Variants in PTPRE observed in about 807,000 individuals in gnomAD.
PTPRE encodes the protein protein tyrosine phosphatase receptor type E, also known as receptor-type tyrosine-protein phosphatase epsilon.
A neutral mutation model predicts 102.0 loss-of-function variants in PTPRE; 51 were observed. That is an observed-to-expected ratio of 0.50 (90% CI 0.40 to 0.63). The LOEUF (loss-of-function observed/expected upper bound fraction) is 0.63, where lower values mean the gene tolerates loss of function less well. Ranked by LOEUF, PTPRE falls within the 30% of genes least tolerant of loss-of-function variation. The probability of loss-of-function intolerance (pLI) is 0.00; values close to 1 mark genes in which losing one functional copy is unlikely to be tolerated. For missense variants in PTPRE, 752 were observed against 915.1 expected, an observed-to-expected ratio of 0.82 and a Z score of 2.30; for synonymous variants, 345 against 348.2, an observed-to-expected ratio of 0.99 and a Z score of 0.10.
At chr10:127,955,075 A>C (rs1313439570) in intron 1 of PTPRE, among the ~76,000 whole-genome samples, 3 of 151,938 alleles carry the variant, frequency 2.0e-5, no homozygotes, top group Admixed American at 2.0e-4. Flanking sequence ...CTACTACTCC[A>C]TAGTGGAGGC....
chr10:128,042,608 T>C (rs761129876), intron 3 of PTPRE, among the ~76,000 whole-genome samples: 1 of 152,180 alleles, frequency 6.6e-6, no homozygotes, highest in Non-Finnish European at 1.5e-5. Context: ...CCTAGAATTG[T>C]GGAGGGGAAC....
At chr10:128,015,558 G>A (rs545535475) in intron 2 of PTPRE, among the ~76,000 whole-genome samples, 9 of 152,204 alleles carry the variant, frequency 5.9e-5, no homozygotes, top group African/African-American at 2.2e-4. Context: ...AGTAGAGATG[G>A]GGTTTCACCG....
chr10:128,038,698 C>A (rs959987755), intron 2 of PTPRE, among the ~76,000 whole-genome samples: 7 of 151,956 alleles, frequency 4.6e-5, no homozygotes, highest in Non-Finnish European at 1.0e-4. Flanking sequence ...AGGAGATATA[C>A]CTAGTGTAAA....
rs1454131474 is a variant in PTPRE, at chr10:127,928,742, G to A, written c.-31+21433G>A. ...ATATCTACCTTCCAAATAACATCTT[G>A]GAAAGCACACTGGTAGATGAGGCCT... On this transcript the variant is annotated intron_variant, in intron 1 of 20. Transcript: ENST00000254667. 4.6e-5 allele frequency among the ~76,000 whole-genome samples: 7 copies of A among 152,266 alleles called. No individual in the cohort carries two copies. The East Asian group carries it at 1.2e-3, about 25-fold the overall frequency.
Position 128,081,309 on chromosome 10 carries a change from G to A in PTPRE, c.2029-1523G>A, listed in dbSNP as rs180784120. On this transcript the variant is annotated intron_variant, in intron 20 of 20. Coordinates refer to ENST00000254667, the MANE Select transcript of PTPRE (RefSeq NM_006504.6). ...CTTCCAGCATCCTAGGTAGGCTTTG[G>A]TTGGAACTGACATTTCAAAGGCCAC... Among the ~76,000 whole-genome samples, 364 of 152,312 alleles carry A rather than the reference G, an allele frequency of 2.4e-3. 4 individuals are homozygous for A. The highest frequency in any genetic ancestry group is 0.023 in the Admixed American group (345 of 15,302).
intron 1 of PTPRE, among the ~76,000 whole-genome samples, chr10:127,923,741 G>A (rs1846794775): frequency 6.6e-6 from 1 of 152,194 alleles, no homozygotes; most frequent in South Asian, 2.1e-4. Context: ...ATCCAGCCCA[G>A]TGTGGAGACA....
rs1390263914 is a variant in PTPRE at position 128,028,061 on chromosome 10, G to A, written c.-7-12814G>A. Among the ~76,000 whole-genome samples the A allele has an allele frequency of 3.3e-5, 5 of 152,348 alleles. No individual in the cohort carries two copies. The highest frequency in any genetic ancestry group is 2.1e-4 in the South Asian group (1 of 4,826). ...GAGGGTTCCGGCTTTGGCTGGGGGC[G>A]TGGGAGTCTCCAGAGGCAGCGAGCC... On this transcript the variant is annotated intron_variant, in intron 2 of 20. Coordinates refer to ENST00000254667, the MANE Select transcript of PTPRE (RefSeq NM_006504.6). This position sits in a 1 kb window ranked among gnomAD's most constrained non-coding sequence, Gnocchi z 4.5.
At chr10:128,072,683 A>C (rs926268181) in intron 16 of PTPRE, 1 of 126,540 alleles carries the variant, frequency 7.9e-6, no homozygotes, top group Admixed American at 8.5e-5. Context: ...AAAAAAAAAA[A>C]GTGGACTTTG....
intron 1 of PTPRE, among the ~76,000 whole-genome samples, chr10:127,923,321 C>T (rs543057358): frequency 6.6e-6 from 1 of 151,676 alleles, no homozygotes; most frequent in Non-Finnish European, 1.5e-5. Context: ...CTATCCAGAG[C>T]GAGTGCTACA....
Position 128,039,710 on chromosome 10 carries a change from G to T in PTPRE, c.-7-1165G>T, listed in dbSNP as rs114309606. Among the ~76,000 whole-genome samples the T allele has an allele frequency of 4.9e-3, 740 of 151,280 alleles. 4 individuals carry two copies. The highest frequency in any genetic ancestry group is 0.016 in the African/African-American group (652 of 41,348). ...CCTCAGTTCTGAAATGGGTCCATTT[G>T]CATCCCTGAGGGAGGCCTCAGGCAG... On this transcript the variant is annotated intron_variant, in intron 2 of 20. Transcript: ENST00000254667.
At chr10:127,950,908 A>G (rs1203126656) in intron 1 of PTPRE, among the ~76,000 whole-genome samples, 1 of 151,986 alleles carries the variant, frequency 6.6e-6, no homozygotes, top group Non-Finnish European at 1.5e-5. Context: ...CATCCTGGCT[A>G]ACACAGTGAA....
intron 6 of PTPRE, among the ~76,000 whole-genome samples, chr10:128,054,296 C>T (rs1848778718): frequency 1.3e-5 from 2 of 152,070 alleles, no homozygotes; most frequent in Admixed American, 6.6e-5. Flanking sequence ...TGGGTTTTGA[C>T]GAATGCACAG....
chr10:128,034,738 C>A (rs183275761), intron 2 of PTPRE, among the ~76,000 whole-genome samples: 1 of 151,852 alleles, frequency 6.6e-6, no homozygotes, highest in Admixed American at 6.6e-5. Flanking sequence ...AACAAGGAAG[C>A]AATAAAGTGA....
intron 1 of PTPRE, among the ~76,000 whole-genome samples, chr10:127,947,642 T>C (rs770988345): frequency 6.6e-6 from 1 of 152,228 alleles, no homozygotes; most frequent in Non-Finnish European, 1.5e-5. Context: ...CTCCCATATG[T>C]TAAAGGAGGC....
At chr10:127,908,788 G>A (rs75918299) in intron 1 of PTPRE, among the ~76,000 whole-genome samples, 5,494 of 152,242 alleles carry the variant, frequency 0.036, 138 homozygotes, top group Middle Eastern at 0.085. Flanking sequence ...ATTGATGTTG[G>A]TGATGCCTGT....
rs1280580444 is a variant in PTPRE, at chr10:128,084,423, AC to A, written c.*1521del. On this transcript the variant is annotated 3_prime_UTR_variant, in exon 21 of 21. Coordinates refer to ENST00000254667, the MANE Select transcript of PTPRE (RefSeq NM_006504.6). ...TTCATTAACAGTGTGTGCAAATGCA[AC>A]CCCAGGACACATTATTGTTCTGATA... 6.6e-6 allele frequency: 1 copy of A among 152,164 alleles called. No homozygotes were observed. The highest frequency in any genetic ancestry group is 1.5e-5 in the Non-Finnish European group (1 of 68,036). The allele number at this position is 152,164 out of a possible 1,614,324, so 9.4% of individuals were successfully genotyped here. A position where few individuals can be genotyped will look rare whatever the true frequency, so the allele number is the denominator to read the frequency against.
rs115726480 is a variant in PTPRE, at chr10:128,019,206, T to C, written c.-7-21669T>C. Among the ~76,000 whole-genome samples the C allele has an allele frequency of 2.5e-3, 385 of 152,342 alleles. 1 individual carries two copies. Among genetic ancestry groups the C allele is most frequent in the African/African-American group, 8.9e-3 (371 of 41,594 alleles). Reference sequence around the variant, plus strand: ...GAGGCCCGACTTCCAATCCCAGCCCTGCCCCTTGCTCACTGCATGACTTGG... The same window carrying C: ...GAGGCCCGACTTCCAATCCCAGCCCCGCCCCTTGCTCACTGCATGACTTGG... On this transcript the variant is annotated intron_variant, in intron 2 of 20. Transcript: ENST00000254667.
intron 6 of PTPRE, among the ~76,000 whole-genome samples, chr10:128,054,253 C>G (rs1372958775): frequency 1.3e-5 from 2 of 152,140 alleles, no homozygotes; most frequent in Non-Finnish European, 2.9e-5. Flanking sequence ...TAGCAGAAGT[C>G]CACACGTCAG....
intron 1 of PTPRE, among the ~76,000 whole-genome samples, chr10:127,939,560 A>G (rs11018410): frequency 0.14 from 21,391 of 151,404 alleles, 1,644 homozygotes; most frequent in East Asian, 0.25. Context: ...ATACATGGAG[A>G]AAAAAAAACA....
Sources: allele counts gnomAD v4.1 joint callset (sites outside exome capture counted in the v4.1 genomes callset), GRCh38; gene constraint gnomAD v4.1.1; non-coding constraint Gnocchi (gnomAD v3.1); transcripts MANE v1.5; gene names NCBI Gene and HGNC (gene_info 2026-07-23, HGNC 2026-07-21).